Variants in AOPEP observed in about 807,000 individuals in gnomAD.
The protein encoded by AOPEP is aminopeptidase O.
Under a neutral mutation model 98.1 loss-of-function variants are expected in AOPEP, and 77 were observed. The observed-to-expected ratio is 0.78, with a 90% CI of 0.65 to 0.95. The LOEUF (loss-of-function observed/expected upper bound fraction) is 0.95, where lower values mean the gene tolerates loss of function less well. Ranked by LOEUF, AOPEP falls within the 40% of genes least tolerant of loss-of-function variation. The probability of loss-of-function intolerance (pLI) is 0.00; values close to 1 mark genes in which losing one functional copy is unlikely to be tolerated. For missense variants in AOPEP, 1,024 were observed against 1,024.7 expected, an observed-to-expected ratio of 1.00 and a Z score of 0.01; for synonymous variants, 346 against 365.3, an observed-to-expected ratio of 0.95 and a Z score of 0.60.
intron 14 of AOPEP, among the ~76,000 whole-genome samples, chr9:95,062,283 AC>A (rs2067387362): frequency 6.6e-6 from 1 of 152,022 alleles, no homozygotes; most frequent in African/African-American, 2.4e-5. Context: ...GGTGCTTGGG[AC>A]CTGGTGGGGG....
intron 5 of AOPEP, among the ~76,000 whole-genome samples, chr9:94,828,746 TAC>T (rs1194220432): frequency 3.3e-5 from 5 of 151,646 alleles, no homozygotes; most frequent in Non-Finnish European, 5.9e-5. Flanking sequence ...TATATATATA[TAC>T]ACACACACAA....
chr9:95,074,087 A>C (rs757256991), intron 14 of AOPEP, among the ~76,000 whole-genome samples: 34 of 152,262 alleles, frequency 2.2e-4, no homozygotes, highest in Non-Finnish European at 3.7e-4. Flanking sequence ...TGTGCTTGGA[A>C]TCAGTGAGCC....
intron 13 of AOPEP, among the ~76,000 whole-genome samples, chr9:95,047,571 C>T (rs4743980): frequency 0.78 from 119,297 of 152,112 alleles, 48,297 homozygotes; most frequent in Non-Finnish European, 0.89. Flanking sequence ...GATCAGTTCC[C>T]TTCCTGAGGT....
At chr9:94,808,776 G>A (rs1849815672) in intron 5 of AOPEP, among the ~76,000 whole-genome samples, 1 of 152,260 alleles carries the variant, frequency 6.6e-6, no homozygotes, top group African/African-American at 2.4e-5. Context: ...AGGCAAGGAG[G>A]AGGAGGTGCT....
chr9:95,122,205 A>G, the AOPEP span, among the ~76,000 whole-genome samples: 1 of 152,104 alleles, frequency 6.6e-6, no homozygotes, highest in East Asian at 1.9e-4. Context: ...GGCAGGGAGG[A>G]GCACGTGGAT....
At chr9:94,994,221 G>A (rs2061078000) in intron 11 of AOPEP, among the ~76,000 whole-genome samples, 1 of 152,170 alleles carries the variant, frequency 6.6e-6, no homozygotes, top group Admixed American at 6.5e-5. Context: ...CATCTGCCTG[G>A]GTTTTGCATA....
chr9:95,121,549 A>ATTGT, the AOPEP span, among the ~76,000 whole-genome samples: 1 of 152,236 alleles, frequency 6.6e-6, no homozygotes, highest in East Asian at 1.9e-4. Context: ...CCAGAGCAAC[A>ATTGT]TTGTTTGTAA....
intron 5 of AOPEP, among the ~76,000 whole-genome samples, chr9:94,812,846 G>A (rs1189723419): frequency 6.6e-6 from 1 of 152,164 alleles, no homozygotes; most frequent in Non-Finnish European, 1.5e-5. Context: ...TAGACCTTAG[G>A]ATTGGGAAGG....
chr9:94,864,901 G>C (rs1400089340), intron 5 of AOPEP, among the ~76,000 whole-genome samples: 3 of 152,086 alleles, frequency 2.0e-5, no homozygotes, highest in Admixed American at 6.6e-5. Context: ...CACTTGTGTG[G>C]CTTTGATTTG....
chr9:94,752,707 A>G (rs57633629), intron 1 of AOPEP, among the ~76,000 whole-genome samples: 2 of 152,366 alleles, frequency 1.3e-5, no homozygotes, highest in East Asian at 1.9e-4. Context: ...AAATGGCCAT[A>G]ACAATATCTA....
chr9:94,934,858 C>T (rs1465503789), intron 7 of AOPEP: 1 of 152,416 alleles, frequency 6.6e-6, no homozygotes, highest in Non-Finnish European at 1.5e-5. Flanking sequence ...GCTGATCTTC[C>T]TCGGGGCCTC....
chr9:95,122,167 C>G, the AOPEP span, among the ~76,000 whole-genome samples: 1 of 152,058 alleles, frequency 6.6e-6, no homozygotes, highest in African/African-American at 2.4e-5. Context: ...ACATAAAATT[C>G]AAACCAGAGG....
chr9:94,734,421 T>C (rs1044115868), intron 1 of AOPEP, among the ~76,000 whole-genome samples: 1 of 152,204 alleles, frequency 6.6e-6, no homozygotes, highest in Non-Finnish European at 1.5e-5. Flanking sequence ...AGCCTGCTTA[T>C]ACTTGGAGTT....
chr9:94,750,367 C>T (rs969565517), intron 1 of AOPEP, among the ~76,000 whole-genome samples: 5 of 152,092 alleles, frequency 3.3e-5, no homozygotes, highest in African/African-American at 7.2e-5. Flanking sequence ...GGGTGGATCA[C>T]GAGGTCAGGA....
chr9:94,762,224 G>A (rs1464053400), intron 2 of AOPEP, among the ~76,000 whole-genome samples: 2 of 152,112 alleles, frequency 1.3e-5, no homozygotes, highest in Admixed American at 6.5e-5. Context: ...GAGGCGGGTG[G>A]ATCACAAGGT....
intron 13 of AOPEP, among the ~76,000 whole-genome samples, chr9:95,028,968 A>T (rs1387501275): frequency 6.6e-6 from 1 of 152,236 alleles, no homozygotes; most frequent in African/African-American, 2.4e-5. Context: ...CTGAGATACT[A>T]GCCTAGTGTG....
At chr9:95,042,720 C>T (rs1200737064) in intron 13 of AOPEP, among the ~76,000 whole-genome samples, 2 of 152,180 alleles carry the variant, frequency 1.3e-5, no homozygotes, top group Non-Finnish European at 2.9e-5. Context: ...TCTCACACTG[C>T]TGTCTTTTTG....
intron 11 of AOPEP, among the ~76,000 whole-genome samples, chr9:95,000,720 A>G (rs549789716): frequency 6.6e-6 from 1 of 152,330 alleles, no homozygotes; most frequent in South Asian, 2.1e-4. Context: ...AAATAAATAA[A>G]TAAATAAACC....
chr9:95,112,553 C>T, the AOPEP span, among the ~76,000 whole-genome samples: 1 of 152,230 alleles, frequency 6.6e-6, no homozygotes, highest in African/African-American at 2.4e-5. Flanking sequence ...AGAGCTGATG[C>T]TCTGGAGGCC....
Sources: allele counts gnomAD v4.1 joint callset (sites outside exome capture counted in the v4.1 genomes callset), GRCh38; gene constraint gnomAD v4.1.1; transcripts MANE v1.5; gene names NCBI Gene and HGNC (gene_info 2026-07-23, HGNC 2026-07-21).